The following LARGE1 variants were observed in gnomAD, a reference collection of about 807,000 sequenced individuals.
LARGE1 encodes xylosyl- and glucuronyltransferase LARGE1.
A neutral mutation model predicts 87.6 loss-of-function variants in LARGE1; 43 were observed. That is an observed-to-expected ratio of 0.49 (90% CI 0.38 to 0.63). LARGE1 has a LOEUF of 0.63. Among genes scored for constraint, LARGE1 ranks in the 30% least tolerant of loss-of-function variants. LARGE1 has a pLI of 0.00. For missense variants in LARGE1, 802 were observed against 1,000.2 expected, an observed-to-expected ratio of 0.80 and a Z score of 2.67; for synonymous variants, 434 against 394.6, an observed-to-expected ratio of 1.10 and a Z score of -1.18.
chr22:33,912,135 G>A (rs1400044177), intron 1 of LARGE1, among the ~76,000 whole-genome samples: 3 of 152,192 alleles, frequency 2.0e-5, no homozygotes, highest in Non-Finnish European at 4.4e-5. Flanking sequence ...ATTTCCAGAT[G>A]AGAGCTGACA....
chr22:33,697,549 C>CAAAAAAAAAAAA lies in LARGE1; in HGVS notation c.107-46893_107-46882dup, dbSNP rs3072289. On this transcript the variant is annotated intron_variant, in intron 2 of 14. Transcript: ENST00000397394. ...CTGGCGACAAAGCTAGACTCTGTCC[C>CAAAAAAAAAAAA]AAAAAAAAAAAAAAAAAAAAAGGAA... Among the ~76,000 whole-genome samples, 5 of 54,114 alleles carry CAAAAAAAAAAAA rather than the reference C, an allele frequency of 9.2e-5. 1 individual carries two copies. Among genetic ancestry groups the CAAAAAAAAAAAA allele is most frequent in the East Asian group, 1.3e-3 (2 of 1,574 alleles). The allele number at this position is 54,114 out of a possible 152,430, so 35.5% of individuals were successfully genotyped here.
intron 1 of LARGE1, among the ~76,000 whole-genome samples, chr22:33,812,367 G>A (rs2086522335): frequency 6.6e-6 from 1 of 152,176 alleles, no homozygotes; most frequent in African/African-American, 2.4e-5. Context: ...CATTTTGGAC[G>A]AGGCTCTTTT....
intron 5 of LARGE1, among the ~76,000 whole-genome samples, chr22:33,577,366 C>T (rs1174656744): frequency 2.6e-5 from 4 of 152,190 alleles, no homozygotes; most frequent in African/African-American, 7.2e-5. Context: ...TATGCAAAAG[C>T]ACACGCATAC....
chr22:33,754,782 T>C (rs1180506627), intron 2 of LARGE1, among the ~76,000 whole-genome samples: 4 of 152,240 alleles, frequency 2.6e-5, no homozygotes, highest in Non-Finnish European at 5.9e-5. Context: ...ACAGCAAAAA[T>C]AGGCTTTCCT....
chr22:33,740,045 T>G (rs2083819678), intron 2 of LARGE1, among the ~76,000 whole-genome samples: 1 of 152,192 alleles, frequency 6.6e-6, no homozygotes. Context: ...TGGGATCATC[T>G]GACTGATTGG....
At chr22:33,325,218 A>G (rs921535577) in intron 10 of LARGE1, among the ~76,000 whole-genome samples, 1 of 152,208 alleles carries the variant, frequency 6.6e-6, no homozygotes, top group Admixed American at 6.5e-5. Flanking sequence ...TGTATTTCAC[A>G]TGGTGGCAGA....
upstream of LARGE1, among the ~76,000 whole-genome samples, chr22:33,920,747 G>A (rs1031911226): frequency 2.1e-5 from 3 of 142,740 alleles, no homozygotes; most frequent in African/African-American, 5.0e-5. Flanking sequence ...AGCGCTCGCC[G>A]GCCTTGGCCG....
At chr22:33,789,022 A>C (rs1422696169) in intron 1 of LARGE1, among the ~76,000 whole-genome samples, 1 of 152,224 alleles carries the variant, frequency 6.6e-6, no homozygotes. Context: ...GCCAAATGTT[A>C]ATTGCCAAGA....
chr22:33,572,080 T>C (rs1375723695), intron 5 of LARGE1: 7 of 552,752 alleles, frequency 1.3e-5, no homozygotes, highest in African/African-American at 1.2e-4. Context: ...CGTTACTATA[T>C]ATGTAATCTG....
intron 6 of LARGE1, among the ~76,000 whole-genome samples, chr22:33,512,980 T>C (rs932473179): frequency 6.6e-6 from 1 of 152,148 alleles, no homozygotes; most frequent in African/African-American, 2.4e-5. Flanking sequence ...CTGAGCCAGA[T>C]GTGTGACATC....
At chr22:33,784,686 T>C (rs1037698559) in intron 1 of LARGE1, among the ~76,000 whole-genome samples, 1 of 152,096 alleles carries the variant, frequency 6.6e-6, no homozygotes, top group African/African-American at 2.4e-5. Context: ...GGTACTAATA[T>C]GCACAAAATG....
chr22:33,112,797 G>A, the LARGE1 span, among the ~76,000 whole-genome samples: 1 of 152,182 alleles, frequency 6.6e-6, no homozygotes, highest in Non-Finnish European at 1.5e-5. Context: ...AAGCCTGCAA[G>A]CAGCACAGAT....
intron 1 of LARGE1, among the ~76,000 whole-genome samples, chr22:33,804,505 C>G (rs2086252782): frequency 6.6e-6 from 1 of 152,182 alleles, no homozygotes. Flanking sequence ...AAAAGGGAGG[C>G]TGCAAGAGAT....
intron 6 of LARGE1, among the ~76,000 whole-genome samples, chr22:33,507,334 G>C (rs555247958): frequency 2.8e-4 from 43 of 152,262 alleles, no homozygotes; most frequent in Non-Finnish European, 3.4e-4. Flanking sequence ...CAGAGCTAAG[G>C]ATGCTGACAG....
At chr22:33,648,358 C>T (rs2080683686) in intron 3 of LARGE1, among the ~76,000 whole-genome samples, 1 of 152,118 alleles carries the variant, frequency 6.6e-6, no homozygotes, top group Non-Finnish European at 1.5e-5. Flanking sequence ...GCCTTCTTTT[C>T]CCCTTTTCCT....
chr22:33,597,278 G>GAA lies in LARGE1; in HGVS notation c.615+7155_615+7156dup, dbSNP rs3072280. 3.7e-4 allele frequency among the ~76,000 whole-genome samples: 48 copies of GAA among 129,290 alleles called. No individual in the cohort carries two copies. In the South Asian group the frequency reaches 6.8e-3, roughly 18 times the overall value. 84.8% of individuals were successfully genotyped at this position (129,290 alleles called of 152,430 possible). On this transcript the variant is annotated intron_variant, in intron 5 of 14. Coordinates refer to ENST00000397394, the MANE Select transcript of LARGE1 (RefSeq NM_133642.5). Reference sequence around the variant, plus strand: ...AGTTGCACTTCTTGGCCTAATTCATGAAAAAAAAAAAAAAAAAAAACTTGT... The same window carrying GAA: ...AGTTGCACTTCTTGGCCTAATTCATGAAAAAAAAAAAAAAAAAAAAAACTTGT...
upstream of LARGE1, among the ~76,000 whole-genome samples, chr22:33,921,041 G>GGGACCGCGAGCCGGGGC (rs1326971354): frequency 6.0e-5 from 9 of 150,326 alleles, no homozygotes; most frequent in African/African-American, 1.9e-4. The surrounding 1 kb of genome is among the most constrained non-coding windows in gnomAD (Gnocchi z 4.1). Context: ...GCAGCCGGGG[G>GGGACCGCGAGCCGGGGC]GGACCGCGAG....
chr22:33,320,820 G>T (rs1051632429), intron 10 of LARGE1: 1 of 152,236 alleles, frequency 6.6e-6, no homozygotes, highest in Non-Finnish European at 1.5e-5. Flanking sequence ...GTAAGGTGCT[G>T]GGTACAGGTG....
the LARGE1 span, among the ~76,000 whole-genome samples, chr22:33,129,701 T>C: frequency 6.6e-6 from 1 of 152,066 alleles, no homozygotes; most frequent in Non-Finnish European, 1.5e-5. Flanking sequence ...CTTACAATCA[T>C]GGTGGAAGGC....
Sources: allele counts gnomAD v4.1 joint callset (sites outside exome capture counted in the v4.1 genomes callset), GRCh38; gene constraint gnomAD v4.1.1; non-coding constraint Gnocchi (gnomAD v3.1); transcripts MANE v1.5; gene names NCBI Gene and HGNC (gene_info 2026-07-23, HGNC 2026-07-21).